Variants in PDE12 observed in about 807,000 individuals in gnomAD.
The protein encoded by PDE12 is phosphodiesterase 12.
Under a neutral mutation model 45.4 loss-of-function variants are expected in PDE12, and 26 were observed. The ratio of observed to expected loss-of-function variants is 0.57; its 90% CI spans 0.42 to 0.79. The LOEUF (loss-of-function observed/expected upper bound fraction) is 0.79, where lower values mean the gene tolerates loss of function less well. PDE12 is among the 30% of genes least tolerant of loss of function. The pLI is 0.00. For synonymous variants in PDE12, 283 were observed against 323.9 expected (o/e 0.87, Z 1.36); for missense variants, 668 against 790.0 (o/e 0.85, Z 1.85).
the PDE12 span, chr3:57,641,797 T>G: frequency 1.2e-4 from 152 of 1,243,594 alleles, no homozygotes; most frequent in Middle Eastern, 1.9e-4. Flanking sequence ...AAAAGATGAA[T>G]GCTAAATCAG....
chr3:57,570,767 TAAAAA>T (rs1162050460), downstream of PDE12, among the ~76,000 whole-genome samples: 1 of 152,186 alleles, frequency 6.6e-6, no homozygotes, highest in Non-Finnish European at 1.5e-5. Flanking sequence ...TTTGCCCTGT[TAAAAA>T]GAAAAGTGGT....
rs2069707260 is a variant in PDE12, at chr3:57,559,746, T to C, written c.1572T>C (p.Asn524=). The change falls in exon 3 of 3, where the codon AAT becomes AAC. Residue 524 remains asparagine (N), a synonymous_variant. Transcript: ENST00000311180. ...AGGATCATGAAGACTGGGCTTCCAA[T>C]GGGGAGGAGGAAAGATGCAATATGT... is the stretch of plus-strand genomic sequence containing the variant. The part of the protein sequence containing the change: ...IPEDHEDWAS[N]GEEERCNMSL... 6.2e-7 allele frequency: 1 copy of C among 1,614,162 alleles called. No individual in the cohort carries two copies. Among genetic ancestry groups the C allele is most frequent in the African/African-American group, 1.3e-5 (1 of 75,040 alleles).
chr3:57,650,403 T>A, the PDE12 span, among the ~76,000 whole-genome samples: 1 of 144,536 alleles, frequency 6.9e-6, no homozygotes. Flanking sequence ...TGAGTGTGTA[T>A]ATATACATGC....
chr3:57,611,161 G>A, the PDE12 span, among the ~76,000 whole-genome samples: 1 of 152,118 alleles, frequency 6.6e-6, no homozygotes, highest in African/African-American at 2.4e-5. Flanking sequence ...AAATGGTGCT[G>A]GGAAAACTGG....
Position 57,556,307 on chromosome 3 carries a change from G to C in PDE12, c.-73G>C, listed in dbSNP as rs751486127. On this transcript the variant is annotated 5_prime_UTR_variant, in exon 1 of 3. Transcript: ENST00000311180. This position sits in a 1 kb window ranked among gnomAD's most constrained non-coding sequence, Gnocchi z 5.0. ...TGAATGAGTCAAAGCCGGCGGCCTCGGCTCCTCAGCTCCACCTGACAGTAG... is the reference window on the plus strand; with the variant it reads ...TGAATGAGTCAAAGCCGGCGGCCTCCGCTCCTCAGCTCCACCTGACAGTAG... The C allele has an allele frequency of 7.0e-6, 10 of 1,437,076 alleles. No homozygotes were observed. Among genetic ancestry groups the C allele is most frequent in the Non-Finnish European group, 9.2e-6 (10 of 1,086,928 alleles). 89.0% of individuals were successfully genotyped at this position (1,437,076 alleles called of 1,614,324 possible).
the PDE12 span, among the ~76,000 whole-genome samples, chr3:57,614,523 G>GTTTTTTTTGTTTTGTTTTT: frequency 7.6e-6 from 1 of 132,028 alleles, no homozygotes; most frequent in Non-Finnish European, 1.6e-5. Context: ...CCTGTAATCC[G>GTTTTTTTTGTTTTGTTTTT]TTTTTTTTTT....
At chr3:57,618,644 C>T in the PDE12 span, among the ~76,000 whole-genome samples, 2 of 106,946 alleles carry the variant, frequency 1.9e-5, no homozygotes, top group East Asian at 3.4e-4. Flanking sequence ...GAGTTTCGCT[C>T]GTTGCCCAGG....
the PDE12 span, among the ~76,000 whole-genome samples, chr3:57,589,733 A>C: frequency 6.6e-6 from 1 of 151,480 alleles, no homozygotes; most frequent in Non-Finnish European, 1.5e-5. Flanking sequence ...AACAAACAAA[A>C]AACCCAAAAA....
At chr3:57,612,600 G>GT in the PDE12 span, among the ~76,000 whole-genome samples, 13 of 151,866 alleles carry the variant, frequency 8.6e-5, no homozygotes, top group East Asian at 2.5e-3. Flanking sequence ...GTGAAACCCC[G>GT]TGTCTACTAA....
At chr3:57,649,117 A>G in the PDE12 span, among the ~76,000 whole-genome samples, 7 of 152,204 alleles carry the variant, frequency 4.6e-5, no homozygotes, top group Admixed American at 6.5e-5. Context: ...CATCCAAACA[A>G]AGGACAAATA....
the PDE12 span, among the ~76,000 whole-genome samples, chr3:57,645,270 G>C: frequency 6.6e-6 from 1 of 152,098 alleles, no homozygotes; most frequent in South Asian, 2.1e-4. Context: ...AGATCAGCCT[G>C]ATCAACATGG....
the PDE12 span, among the ~76,000 whole-genome samples, chr3:57,650,421 TACACACACAC>T: frequency 0.024 from 3,651 of 149,970 alleles, 69 homozygotes; most frequent in Non-Finnish European, 0.035. Flanking sequence ...TGCATTTACA[TACACACACAC>T]ACACACACAC....
the PDE12 span, among the ~76,000 whole-genome samples, chr3:57,611,558 TC>T: frequency 1.3e-5 from 2 of 151,680 alleles, no homozygotes; most frequent in African/African-American, 4.9e-5. Context: ...AACAACCCCA[TC>T]AAAAAGTGGG....
chr3:57,630,333 G>A, the PDE12 span: 2 of 1,202,192 alleles, frequency 1.7e-6, no homozygotes, highest in Non-Finnish European at 2.3e-6. Context: ...ATAAAGAGTG[G>A]ATAAAGGGTA....
At chr3:57,646,065 A>G in the PDE12 span, among the ~76,000 whole-genome samples, 1 of 152,208 alleles carries the variant, frequency 6.6e-6, no homozygotes, top group Non-Finnish European at 1.5e-5. Flanking sequence ...AACTTCATGT[A>G]ATGAATCAAT....
At chr3:57,646,566 AC>A in the PDE12 span, 1 of 1,288,606 alleles carries the variant, frequency 7.8e-7, no homozygotes, top group South Asian at 1.7e-5. Context: ...CTGATCTGAT[AC>A]ACAAATTCAT....
the PDE12 span, among the ~76,000 whole-genome samples, chr3:57,622,078 A>G: frequency 2.0e-5 from 3 of 152,204 alleles, no homozygotes; most frequent in African/African-American, 7.2e-5. Context: ...CGGGAGGCTG[A>G]GGCAGGAGAA....
At chr3:57,641,211 TAATAAA>T in the PDE12 span, among the ~76,000 whole-genome samples, 1 of 144,742 alleles carries the variant, frequency 6.9e-6, no homozygotes, top group Non-Finnish European at 1.5e-5. Context: ...AATATTTAAG[TAATAAA>T]AATATATATT....
chr3:57,640,389 T>C, the PDE12 span, among the ~76,000 whole-genome samples: 5 of 151,934 alleles, frequency 3.3e-5, no homozygotes, highest in African/African-American at 1.2e-4. Context: ...GCTCAGGAGT[T>C]TGAGACCAGC....
Sources: allele counts gnomAD v4.1 joint callset (sites outside exome capture counted in the v4.1 genomes callset), GRCh38; gene constraint gnomAD v4.1.1; non-coding constraint Gnocchi (gnomAD v3.1); transcripts MANE v1.5; gene names NCBI Gene and HGNC (gene_info 2026-07-23, HGNC 2026-07-21).